Variants in NKAIN3 observed in about 807,000 individuals in gnomAD.
NKAIN3 encodes sodium/potassium transporting ATPase interacting 3.
NKAIN3 carries 25 observed loss-of-function variants against 30.2 expected under a neutral mutation model. That is an observed-to-expected ratio of 0.83 (90% CI 0.60 to 1.16). The LOEUF (loss-of-function observed/expected upper bound fraction) is 1.16. Ranked by LOEUF, NKAIN3 falls within the 50% of genes most tolerant of loss-of-function variation. The probability of loss-of-function intolerance (pLI) is 0.00; values close to 1 mark genes in which losing one functional copy is unlikely to be tolerated. For missense variants in NKAIN3, 225 were observed against 254.1 expected, an observed-to-expected ratio of 0.89 and a Z score of 0.78; for synonymous variants, 91 against 89.6, an observed-to-expected ratio of 1.02 and a Z score of -0.09.
intron 4 of NKAIN3, among the ~76,000 whole-genome samples, chr8:62,750,210 A>G (rs1361822333): frequency 6.6e-6 from 1 of 151,966 alleles, no homozygotes; most frequent in Non-Finnish European, 1.5e-5. Flanking sequence ...GCATAGAAAT[A>G]TCTAGAATAA....
intron 3 of NKAIN3, among the ~76,000 whole-genome samples, chr8:62,717,258 A>T (rs1450748680): frequency 1.3e-5 from 2 of 152,186 alleles, no homozygotes; most frequent in Non-Finnish European, 2.9e-5. Context: ...TTCTATTTAA[A>T]GTATTCTTTA....
At chr8:62,751,765 T>C (rs971889774) in intron 4 of NKAIN3, among the ~76,000 whole-genome samples, 1 of 152,096 alleles carries the variant, frequency 6.6e-6, no homozygotes, top group African/African-American at 2.4e-5. Context: ...GTGTTACATA[T>C]TATAATCATA....
chr8:62,267,361 C>T (rs1812640842), intron 1 of NKAIN3, among the ~76,000 whole-genome samples: 2 of 152,136 alleles, frequency 1.3e-5, no homozygotes, highest in African/African-American at 2.4e-5. Context: ...ATTACTAAGT[C>T]AGTGAAACAT....
At chr8:62,602,622 G>A (rs1811013105) in intron 3 of NKAIN3, among the ~76,000 whole-genome samples, 1 of 152,024 alleles carries the variant, frequency 6.6e-6, no homozygotes. Context: ...AGCTGACCTT[G>A]TTTTAGGCCT....
In NKAIN3 at chr8:62,967,281, G is replaced by C. The variant is rs1366885498; in HGVS notation, c.*1874G>C. On this transcript the variant is annotated 3_prime_UTR_variant, in exon 7 of 7. Transcript: ENST00000623646. ...ACATGGGAGCAAAAGTTGGGGTTTG[G>C]GTCCCATCCACCACCATGTTCTTGG... Among the ~76,000 whole-genome samples the C allele has an allele frequency of 2.0e-5, 3 of 152,004 alleles. No individual in the cohort carries two copies. The highest frequency in any genetic ancestry group is 7.2e-5 in the African/African-American group (3 of 41,384).
At chr8:62,876,418 A>G (rs1820794383) in intron 4 of NKAIN3, among the ~76,000 whole-genome samples, 1 of 152,216 alleles carries the variant, frequency 6.6e-6, no homozygotes, top group Non-Finnish European at 1.5e-5. Context: ...TTCCTCAATG[A>G]TCTAGAATCA....
At chr8:62,726,152 A>C (rs1275570676) in intron 3 of NKAIN3, among the ~76,000 whole-genome samples, 1 of 152,132 alleles carries the variant, frequency 6.6e-6, no homozygotes, top group Admixed American at 6.5e-5. Context: ...TGCTGTTGGC[A>C]TATAGAAATG....
At chr8:62,655,869 A>G (rs1002427258) in intron 3 of NKAIN3, among the ~76,000 whole-genome samples, 3 of 138,920 alleles carry the variant, frequency 2.2e-5, no homozygotes, top group African/African-American at 9.1e-5. Context: ...AAGGGGCATA[A>G]AATTATGGTG....
chr8:62,902,392 G>A (rs1174120601), intron 4 of NKAIN3, among the ~76,000 whole-genome samples: 1 of 152,188 alleles, frequency 6.6e-6, no homozygotes, highest in African/African-American at 2.4e-5. Context: ...TCTGAGGTCA[G>A]CCTGAATAGA....
chr8:62,398,262 A>G (rs985759368), intron 1 of NKAIN3, among the ~76,000 whole-genome samples: 1 of 152,244 alleles, frequency 6.6e-6, no homozygotes, highest in Non-Finnish European at 1.5e-5. Flanking sequence ...GCCGGAGGCC[A>G]TGGTGACCCT....
intron 1 of NKAIN3, among the ~76,000 whole-genome samples, chr8:62,530,222 AT>A (rs908453599): frequency 4.0e-3 from 599 of 149,902 alleles, no homozygotes; most frequent in African/African-American, 9.6e-3. Context: ...CACCAGATTC[AT>A]TTTTTTTTTC....
At chr8:62,634,806 C>T (rs114843294) in intron 3 of NKAIN3, among the ~76,000 whole-genome samples, 3,094 of 151,750 alleles carry the variant, frequency 0.02, 89 homozygotes, top group African/African-American at 0.069. Context: ...ATGGGATAAA[C>T]CAAACAAGAA....
chr8:62,903,310 G>A (rs1219339039), intron 4 of NKAIN3, among the ~76,000 whole-genome samples: 2 of 152,164 alleles, frequency 1.3e-5, no homozygotes, highest in African/African-American at 2.4e-5. Flanking sequence ...AGAAGATGCA[G>A]CTCTAATTCT....
chr8:62,870,212 A>ATCTATATCTATATC (rs1219107894), intron 4 of NKAIN3, among the ~76,000 whole-genome samples: 1 of 141,844 alleles, frequency 7.1e-6, no homozygotes, highest in Non-Finnish European at 1.5e-5. Context: ...TATTTTGTAT[A>ATCTATATCTATATC]TATATATCTA....
At chr8:62,542,727 G>A (rs1379136273) in intron 1 of NKAIN3, among the ~76,000 whole-genome samples, 1 of 152,058 alleles carries the variant, frequency 6.6e-6, no homozygotes, top group Non-Finnish European at 1.5e-5. Flanking sequence ...GTTAAAAATG[G>A]GATAGTGTCT....
chr8:62,927,739 T>C (rs2130867602), intron 5 of NKAIN3, among the ~76,000 whole-genome samples: 1 of 152,322 alleles, frequency 6.6e-6, no homozygotes, highest in Non-Finnish European at 1.5e-5. Context: ...GCTGTCATTA[T>C]GTCCTTAAAA....
chr8:62,589,149 A>G lies in NKAIN3; in HGVS notation c.193-565A>G, dbSNP rs376285495. Among the ~76,000 whole-genome samples, 7 of 151,956 alleles carry G rather than the reference A, an allele frequency of 4.6e-5. 1 individual carries two copies. Among genetic ancestry groups the G allele is most frequent in the Admixed American group, 6.6e-5 (1 of 15,218 alleles). ...TATTCATTTCCTCATTCTTAATCCTATTTATTAATTTCTCTGCTTTAAAAT... is the reference window on the plus strand; with the variant it reads ...TATTCATTTCCTCATTCTTAATCCTGTTTATTAATTTCTCTGCTTTAAAAT... On this transcript the variant is annotated intron_variant, in intron 2 of 6. Transcript: ENST00000623646.
At chr8:62,688,289 G>T (rs1336378850) in intron 3 of NKAIN3, among the ~76,000 whole-genome samples, 2 of 152,206 alleles carry the variant, frequency 1.3e-5, no homozygotes, top group Non-Finnish European at 2.9e-5. Flanking sequence ...AGATGGTTCA[G>T]ATAGTCTCTA....
rs149954652 is a variant in NKAIN3 at position 62,977,480 on chromosome 8, C to G, written c.*12073C>G. 6.6e-6 allele frequency among the ~76,000 whole-genome samples: 1 copy of G among 151,746 alleles called. No homozygotes were observed. Among genetic ancestry groups the G allele is most frequent in the Admixed American group, 6.6e-5 (1 of 15,210 alleles). On this transcript the variant is annotated 3_prime_UTR_variant, in exon 7 of 7. Coordinates refer to ENST00000623646, the MANE Select transcript of NKAIN3 (RefSeq NM_001304533.3). ...TCTGATATCCTTTCTTCTGCTTGAT[C>G]GATTCAGCTATTGATACTTGTGTAT...
Sources: gnomAD v4.1 joint callset for allele counts (sites outside exome capture counted in the v4.1 genomes callset) on GRCh38, gnomAD v4.1.1 for gene constraint, MANE v1.5 for transcripts, NCBI Gene and HGNC (gene_info 2026-07-23, HGNC 2026-07-21) for gene names.